Variants in ANKRD36 observed in about 807,000 individuals in gnomAD.
ANKRD36 encodes ankyrin repeat domain 36, also known as ankyrin repeat domain-containing protein 36A.
In ANKRD36, 179 loss-of-function variants were observed where a neutral mutation model predicts 278.1. The observed-to-expected ratio is 0.64, with a 90% CI of 0.57 to 0.73. The LOEUF is 0.73. Ranked by LOEUF, ANKRD36 falls within the 30% of genes least tolerant of loss-of-function variation. ANKRD36 has a pLI of 0.00. For missense variants in ANKRD36, 1,159 were observed against 1,956.7 expected (o/e 0.59, Z 7.69); for synonymous variants, 320 against 641.1 (o/e 0.50, Z 7.57).
At chr2:97,208,814 G>A (rs1237867271) in intron 54 of ANKRD36, among the ~76,000 whole-genome samples, 4 of 146,664 alleles carry the variant, frequency 2.7e-5, no homozygotes, top group Non-Finnish European at 6.0e-5. Flanking sequence ...AGAATAACAC[G>A]ATACTCCCAA....
At chr2:97,211,845 T>C (rs2064737505) in intron 58 of ANKRD36, 104 bp downstream of exon 58, 3 of 1,336,728 alleles carry the variant, frequency 2.2e-6, no homozygotes, top group Admixed American at 4.6e-5. Flanking sequence ...CATGTTCTGC[T>C]TCAGTATTCC....
rs2034061292 is a variant in ANKRD36, at chr2:97,113,228, CCGCCT to C, written c.-508_-504del. 6.6e-6 allele frequency among the ~76,000 whole-genome samples: 1 copy of C among 152,008 alleles called. No homozygotes were observed. Among genetic ancestry groups the C allele is most frequent in the Non-Finnish European group, 1.5e-5 (1 of 67,948 alleles). ...TGTGGCAACCCCGGATCCCGTCCTC[CCGCCT>C]CGCACCCATCAGCGCGGACCCCGGG... On this transcript the variant is annotated 5_prime_UTR_variant, in exon 1 of 76. Transcript: ENST00000420699.
rs1235641785 is a variant in ANKRD36, at chr2:97,124,607, TACATAAAAA to T, written c.731+11_731+19del. 6.5e-7 allele frequency: 1 copy of T among 1,544,532 alleles called. No individual in the cohort carries two copies. The highest frequency in any genetic ancestry group is 8.7e-7 in the Non-Finnish European group (1 of 1,144,762). Reference sequence around the variant, plus strand: ...AGGCTAAGAATAGAGTGTAAGTCTTTACATAAAAAGGCTAGTGAACACTAAATTGAAGTT... The same window carrying T: ...AGGCTAAGAATAGAGTGTAAGTCTTTGGCTAGTGAACACTAAATTGAAGTT... On this transcript the variant is annotated intron_variant, in intron 5 of 75. Coordinates refer to ENST00000420699, the MANE Select transcript of ANKRD36 (RefSeq NM_001354587.1).
intron 34 of ANKRD36, among the ~76,000 whole-genome samples, 161 bp downstream of exon 34, chr2:97,189,451 C>T (rs1239359877): frequency 2.3e-5 from 2 of 88,146 alleles, no homozygotes; most frequent in East Asian, 2.2e-4. Context: ...TCCTGGGTGA[C>T]GCTAATGCTG....
At chr2:97,137,314 T>C (rs1682244637) in intron 6 of ANKRD36, among the ~76,000 whole-genome samples, 1 of 150,992 alleles carries the variant, frequency 6.6e-6, no homozygotes, top group South Asian at 2.1e-4. Context: ...ACTCAGCTAC[T>C]TTTTTTTTGT....
intron 8 of ANKRD36, 39 bp downstream of exon 8, chr2:97,142,874 G>A: frequency 2.0e-6 from 3 of 1,525,356 alleles, no homozygotes; most frequent in East Asian, 2.4e-5. Context: ...GTTCACTCAG[G>A]ATAGAAGAGA....
intron 60 of ANKRD36, among the ~76,000 whole-genome samples, chr2:97,213,960 C>T (rs1464344130): frequency 7.2e-4 from 109 of 151,124 alleles, no homozygotes; most frequent in African/African-American, 2.4e-3. Flanking sequence ...ATTTTACAGA[C>T]GTCACATCAT....
At position 97,113,345 on chromosome 2, in the gene ANKRD36, G is replaced by A. The variant is rs1202836158; in HGVS notation, c.-395G>A. ...CTCAACCCCATCCCTGGGCTGCAGA[G>A]GGCCCAGCGCGGGGGACTCCGAGCG... On this transcript the variant is annotated 5_prime_UTR_variant, in exon 1 of 76. Transcript: ENST00000420699. Among the ~76,000 whole-genome samples, 1 of 152,156 alleles carries A rather than the reference G, an allele frequency of 6.6e-6. No homozygotes were observed. The highest frequency in any genetic ancestry group is 1.5e-5 in the Non-Finnish European group (1 of 68,034).
At chr2:97,181,537 A>G in intron 24 of ANKRD36, 61 bp from the exon 25 acceptor site, 1 of 1,599,068 alleles carries the variant, frequency 6.3e-7, no homozygotes, top group Non-Finnish European at 8.5e-7. Flanking sequence ...CACTGCATGA[A>G]TGTATGGATA....
At chr2:97,217,443 T>C in intron 64 of ANKRD36, 71 bp downstream of exon 64, 1 of 1,542,692 alleles carries the variant, frequency 6.5e-7, no homozygotes, top group Admixed American at 2.0e-5. Flanking sequence ...CCTGAATAGA[T>C]CAGCAGGGTG....
At chr2:97,178,761 T>C (rs1170153485) in intron 22 of ANKRD36, among the ~76,000 whole-genome samples, 2 of 151,246 alleles carry the variant, frequency 1.3e-5, no homozygotes, top group Admixed American at 6.6e-5. Flanking sequence ...CGCACCAGCA[T>C]GGCACATGTA....
intron 67 of ANKRD36, among the ~76,000 whole-genome samples, 179 bp from the exon 68 acceptor site, chr2:97,233,551 T>C (rs1487354557): frequency 6.6e-6 from 1 of 152,096 alleles, no homozygotes; most frequent in Non-Finnish European, 1.5e-5. Flanking sequence ...AATTTATCCA[T>C]AGACCATGTG....
chr2:97,187,178 G>T lies in ANKRD36; in HGVS notation c.2042-20G>T, dbSNP rs1159615465. 1 of 1,609,250 alleles carries T rather than the reference G, an allele frequency of 6.2e-7. No individual in the cohort carries two copies. Among genetic ancestry groups the T allele is most frequent in the South Asian group, 1.1e-5 (1 of 90,792 alleles). Reference sequence around the variant, plus strand: ...ATCATATTTACATATGAGTGATTATGTATCCCTTTTGCTTTTCAGTGTCTT... The same window carrying T: ...ATCATATTTACATATGAGTGATTATTTATCCCTTTTGCTTTTCAGTGTCTT... On this transcript the variant is annotated intron_variant, in intron 30 of 75. Transcript: ENST00000420699.
At chr2:97,143,789 G>C (rs2043524100) in intron 8 of ANKRD36, among the ~76,000 whole-genome samples, 1 of 152,234 alleles carries the variant, frequency 6.6e-6, no homozygotes, top group African/African-American at 2.4e-5. Flanking sequence ...ACTTTATTTT[G>C]TATAAGTATG....
chr2:97,228,391 G>A lies in ANKRD36; in HGVS notation c.3951+3512G>A, dbSNP rs562847385. The stretch of plus-strand genomic sequence containing the variant: ...AGTGTGTATGTGTCCAGGAATTTAT[G>A]CATTTCTTCTAGATTTTCTAGTTTA... On this transcript the variant is annotated intron_variant, in intron 67 of 75. Transcript: ENST00000420699. 2.7e-4 allele frequency among the ~76,000 whole-genome samples: 41 copies of A among 152,172 alleles called. 1 individual carries two copies. In the South Asian group the frequency reaches 8.2e-3, roughly 30 times the overall value.
rs547024218 is a variant in ANKRD36, at chr2:97,146,496, T to C, written c.1014T>C (p.Ala338=). The part of the protein sequence containing the change: ...DEQKSGTVLP[A]VEQCLNRSLY... ...CTTTTTGTTTAATAGTGCTTCCTGC[T>C]GTTGAACAGTGTTTAAACAGGTATG... The change falls in exon 11 of 76, where the codon GCT becomes GCC. Residue 338 remains alanine (A), a synonymous_variant. Transcript: ENST00000420699. 6.6e-7 allele frequency: 1 copy of C among 1,520,322 alleles called. No individual in the cohort carries two copies. Among genetic ancestry groups the C allele is most frequent in the East Asian group, 2.5e-5 (1 of 40,740 alleles). The allele number at this position is 1,520,322 out of a possible 1,614,324, so 94.2% of individuals were successfully genotyped here. A position where few individuals can be genotyped will look rare whatever the true frequency, so the allele number is the denominator to read the frequency against.
intron 6 of ANKRD36, among the ~76,000 whole-genome samples, chr2:97,127,660 G>T (rs1246911744): frequency 1.3e-5 from 2 of 151,876 alleles, no homozygotes; most frequent in Non-Finnish European, 2.9e-5. Flanking sequence ...GAAAGCTTTT[G>T]CAGTAGTTAC....
chr2:97,192,373 G>A (rs562904799), intron 36 of ANKRD36, among the ~76,000 whole-genome samples: 14 of 151,784 alleles, frequency 9.2e-5, no homozygotes, highest in South Asian at 6.3e-4. Context: ...TGAAGTGTAC[G>A]TTCAACTGAA....
At chr2:97,159,904 C>G (rs1349750975) in intron 17 of ANKRD36, among the ~76,000 whole-genome samples, 1 of 151,908 alleles carries the variant, frequency 6.6e-6, no homozygotes, top group African/African-American at 2.4e-5. Flanking sequence ...GCCTCAGCCT[C>G]GCGAGTAGCT....
Sources: allele counts gnomAD v4.1 joint callset (sites outside exome capture counted in the v4.1 genomes callset), GRCh38; gene constraint gnomAD v4.1.1; transcripts MANE v1.5; gene names NCBI Gene and HGNC (gene_info 2026-07-23, HGNC 2026-07-21).